Variants in SGCD observed in about 807,000 individuals in gnomAD.
SGCD encodes delta-sarcoglycan.
SGCD carries 18 observed loss-of-function variants against 36.6 expected under a neutral mutation model. That is an observed-to-expected ratio of 0.49 (90% CI 0.34 to 0.73). The LOEUF (loss-of-function observed/expected upper bound fraction) is 0.73. Ranked by LOEUF, SGCD falls within the 30% of genes least tolerant of loss-of-function variation. The pLI is 0.01. For missense variants in SGCD, 387 were observed against 346.7 expected, an observed-to-expected ratio of 1.12 and a Z score of -0.92; for synonymous variants, 133 against 130.6, an observed-to-expected ratio of 1.02 and a Z score of -0.12.
At chr5:156,663,693 G>A (rs1448324344) in intron 7 of SGCD, among the ~76,000 whole-genome samples, 5 of 147,086 alleles carry the variant, frequency 3.4e-5, no homozygotes, top group Admixed American at 6.7e-5. Context: ...GTCCCCTCAG[G>A]CAGTGGGCCA....
chr5:155,996,892 G>GAT (rs1200948908), intron 1 of SGCD, among the ~76,000 whole-genome samples: 1 of 151,858 alleles, frequency 6.6e-6, no homozygotes, highest in Admixed American at 6.6e-5. Flanking sequence ...TAGATAGATA[G>GAT]ATAGATAGAT....
At chr5:156,090,972 G>C (rs893888174) in intron 1 of SGCD, among the ~76,000 whole-genome samples, 1 of 152,134 alleles carries the variant, frequency 6.6e-6, no homozygotes, top group Non-Finnish European at 1.5e-5. Context: ...AAAAATTGCT[G>C]TTATTCTGTT....
At chr5:155,854,294 C>T in the SGCD span, among the ~76,000 whole-genome samples, 1 of 152,132 alleles carries the variant, frequency 6.6e-6, no homozygotes, top group East Asian at 1.9e-4. Context: ...CCAGACTTTG[C>T]CAAATGTCCC....
At chr5:156,733,617 A>G (rs1756193669) in intron 7 of SGCD, among the ~76,000 whole-genome samples, 1 of 152,066 alleles carries the variant, frequency 6.6e-6, no homozygotes, top group Non-Finnish European at 1.5e-5. Context: ...TCTCCCACTA[A>G]TATAGTATAG....
chr5:156,223,345 C>G (rs39584), intron 3 of SGCD, among the ~76,000 whole-genome samples: 38,836 of 151,854 alleles, frequency 0.26, 5,499 homozygotes, highest in Non-Finnish European at 0.31. Flanking sequence ...TATAAGAGTA[C>G]CTAGAAACAG....
intron 1 of SGCD, among the ~76,000 whole-genome samples, chr5:156,013,675 A>G (rs930135637): frequency 5.3e-5 from 8 of 152,020 alleles, no homozygotes; most frequent in Admixed American, 1.3e-4. Flanking sequence ...TCTTTTGCCT[A>G]TTTTTATATT....
chr5:156,524,731 CAT>C (rs1199324538), intron 4 of SGCD, among the ~76,000 whole-genome samples: 1 of 151,882 alleles, frequency 6.6e-6, no homozygotes, highest in Non-Finnish European at 1.5e-5. Context: ...CTTTGATGAA[CAT>C]CTTGTTTCAC....
At chr5:156,280,048 A>G (rs1289049157) in intron 3 of SGCD, among the ~76,000 whole-genome samples, 1 of 152,104 alleles carries the variant, frequency 6.6e-6, no homozygotes, top group Non-Finnish European at 1.5e-5. Context: ...CTCATTTCTA[A>G]AAATAGCTTA....
chr5:156,355,338 GA>G (rs1769443144), intron 3 of SGCD, among the ~76,000 whole-genome samples: 1 of 151,714 alleles, frequency 6.6e-6, no homozygotes, highest in African/African-American at 2.4e-5. Flanking sequence ...ATATAAAAAG[GA>G]GAAGAAAATT....
chr5:155,781,467 A>G, the SGCD span, among the ~76,000 whole-genome samples: 84 of 152,102 alleles, frequency 5.5e-4, no homozygotes, highest in Non-Finnish European at 8.4e-4. Context: ...GGTATTTTCA[A>G]TTACTCTTTT....
At chr5:156,352,163 G>A (rs1769293482) in intron 3 of SGCD, among the ~76,000 whole-genome samples, 1 of 152,190 alleles carries the variant, frequency 6.6e-6, no homozygotes, top group Non-Finnish European at 1.5e-5. Flanking sequence ...TATTGATCAT[G>A]TAGACAATCA....
the SGCD span, among the ~76,000 whole-genome samples, chr5:155,808,172 C>T: frequency 6.6e-6 from 1 of 152,178 alleles, no homozygotes; most frequent in African/African-American, 2.4e-5. Context: ...TCATTGTTTC[C>T]ACTTGGAGTG....
intron 7 of SGCD, among the ~76,000 whole-genome samples, chr5:156,728,790 G>T (rs1240389141): frequency 1.3e-5 from 2 of 151,948 alleles, no homozygotes; most frequent in Non-Finnish European, 2.9e-5. Context: ...TCATAAACAT[G>T]CTCCAAAATC....
chr5:156,115,216 G>A (rs1761880807), intron 1 of SGCD, among the ~76,000 whole-genome samples: 1 of 151,998 alleles, frequency 6.6e-6, no homozygotes, highest in South Asian at 2.1e-4. Context: ...AATTTAAAAG[G>A]TCAAATGATG....
rs1561729049 is a variant in SGCD at position 156,488,116 on chromosome 5, T to TTG, written c.193-20484_193-20483insGT. Among the ~76,000 whole-genome samples the TTG allele has an allele frequency of 7.0e-3, 1,019 of 145,464 alleles. 13 individuals carry two copies. The highest frequency in any genetic ancestry group is 0.024 in the African/African-American group (953 of 40,104). On this transcript the variant is annotated intron_variant, in intron 3 of 8. Coordinates refer to ENST00000337851, the MANE Select transcript of SGCD (RefSeq NM_000337.6). ...AAGACAGGTTTTTTTTTTTTTTTTT[T>TTG]TTTTTTTTAAATAACCCAGTTAGAC...
chr5:156,326,158 G>C (rs1305509032), upstream of SGCD, among the ~76,000 whole-genome samples: 1 of 152,148 alleles, frequency 6.6e-6, no homozygotes, highest in East Asian at 1.9e-4. Flanking sequence ...CTTTAGATAT[G>C]GGGGTTTTTC....
At chr5:156,332,596 A>T (rs1004857032) in intron 2 of SGCD, among the ~76,000 whole-genome samples, 28 of 152,300 alleles carry the variant, frequency 1.8e-4, no homozygotes, top group African/African-American at 6.7e-4. Flanking sequence ...CATAGGAGAG[A>T]AGTTAGGGCA....
At chr5:156,530,313 T>G (rs1226967905) in intron 4 of SGCD, among the ~76,000 whole-genome samples, 4 of 152,226 alleles carry the variant, frequency 2.6e-5, no homozygotes, top group African/African-American at 9.7e-5. Context: ...ATGGAAAGAT[T>G]AATTATCCTT....
At chr5:156,557,503 G>C (rs893670133) in intron 4 of SGCD, among the ~76,000 whole-genome samples, 1 of 152,072 alleles carries the variant, frequency 6.6e-6, no homozygotes, top group African/African-American at 2.4e-5. Context: ...TTCAGCCTGT[G>C]ACCTGTTAAT....
Sources: allele counts gnomAD v4.1 joint callset (sites outside exome capture counted in the v4.1 genomes callset), GRCh38; gene constraint gnomAD v4.1.1; transcripts MANE v1.5; gene names NCBI Gene and HGNC (gene_info 2026-07-23, HGNC 2026-07-21).